Variants in LOC400499 observed in about 807,000 individuals in gnomAD.
the LOC400499 span, among the ~76,000 whole-genome samples, chr16:11,522,756 G>C: frequency 6.6e-6 from 1 of 152,218 alleles, no homozygotes; most frequent in African/African-American, 2.4e-5. Flanking sequence ...TGGATATCAA[G>C]TGGGGCTGGC....
chr16:11,432,557 G>A, the LOC400499 span, among the ~76,000 whole-genome samples: 1 of 152,082 alleles, frequency 6.6e-6, no homozygotes, highest in African/African-American at 2.4e-5. Flanking sequence ...TGGAATATAA[G>A]GTTCCTACTC....
the LOC400499 span, among the ~76,000 whole-genome samples, chr16:11,486,217 G>A: frequency 6.8e-6 from 1 of 146,654 alleles, no homozygotes. Flanking sequence ...ATGGATGATG[G>A]GTGGGTGGGT....
At chr16:11,407,261 C>T in the LOC400499 span, 16 of 398,586 alleles carry the variant, frequency 4.0e-5, no homozygotes, top group Admixed American at 1.3e-4. Context: ...AGCTACCTGC[C>T]GGGTGCTGAT....
chr16:11,525,120 T>C, the LOC400499 span, among the ~76,000 whole-genome samples: 2 of 151,678 alleles, frequency 1.3e-5, no homozygotes, highest in Admixed American at 6.6e-5. Flanking sequence ...CCCCTCTCTA[T>C]AAAAAATACA....
chr16:11,421,449 C>T, the LOC400499 span, among the ~76,000 whole-genome samples: 3 of 151,920 alleles, frequency 2.0e-5, no homozygotes, highest in Non-Finnish European at 2.9e-5. Context: ...CCACCCAGTC[C>T]GGAGTGCAGT....
the LOC400499 span, among the ~76,000 whole-genome samples, chr16:11,441,506 G>C: frequency 6.6e-6 from 1 of 152,220 alleles, no homozygotes; most frequent in Non-Finnish European, 1.5e-5. Flanking sequence ...TCATAGTGGA[G>C]CTGGCAGAAG....
At chr16:11,463,314 GACTC>G in the LOC400499 span, among the ~76,000 whole-genome samples, 6 of 130,906 alleles carry the variant, frequency 4.6e-5, no homozygotes, top group East Asian at 2.1e-4. Context: ...GCCAAAACAA[GACTC>G]ACTATTACCA....
chr16:11,381,832 T>TTTTC, the LOC400499 span, among the ~76,000 whole-genome samples: 1 of 152,202 alleles, frequency 6.6e-6, no homozygotes, highest in Admixed American at 6.5e-5. Context: ...TTTTAGGACC[T>TTTTC]TTTCTTTGTT....
chr16:11,479,786 C>T, the LOC400499 span, among the ~76,000 whole-genome samples: 5 of 152,254 alleles, frequency 3.3e-5, no homozygotes, highest in African/African-American at 9.6e-5. Context: ...AACTAAACTC[C>T]AGAGGTCATT....
chr16:11,512,523 A>G, the LOC400499 span, among the ~76,000 whole-genome samples: 1 of 151,358 alleles, frequency 6.6e-6, no homozygotes, highest in Non-Finnish European at 1.5e-5. Flanking sequence ...CACTGCGTGA[A>G]CCTGGGAGAG....
chr16:11,469,773 A>G, the LOC400499 span: 1 of 397,804 alleles, frequency 2.5e-6, no homozygotes, highest in East Asian at 3.6e-5. Flanking sequence ...CAGGCTTGAA[A>G]ACTGCCTGCA....
chr16:11,498,326 C>G, the LOC400499 span, among the ~76,000 whole-genome samples: 1 of 151,874 alleles, frequency 6.6e-6, no homozygotes, highest in African/African-American at 2.4e-5. Flanking sequence ...ACTAAAAATA[C>G]AAAAAAATTA....
the LOC400499 span, among the ~76,000 whole-genome samples, chr16:11,505,489 TGTCACCCAGGCTGGAGTGCA>T: frequency 7.3e-6 from 1 of 136,442 alleles, no homozygotes; most frequent in Admixed American, 7.9e-5. Context: ...AGTCTCACTC[TGTCACCCAGGCTGGAGTGCA>T]GTGGTTTGAT....
At chr16:11,391,258 C>A in the LOC400499 span, among the ~76,000 whole-genome samples, 46,770 of 151,972 alleles carry the variant, frequency 0.31, 7,324 homozygotes, top group African/African-American at 0.34. Flanking sequence ...CCAGTCCTGC[C>A]ACGAGGCTGG....
the LOC400499 span, among the ~76,000 whole-genome samples, chr16:11,489,546 A>T: frequency 0.5 from 76,376 of 151,940 alleles, 20,357 homozygotes; most frequent in African/African-American, 0.67. Context: ...CCCTCCCCCC[A>T]TTGTCTCAGG....
At chr16:11,434,387 G>A in the LOC400499 span, among the ~76,000 whole-genome samples, 18 of 152,084 alleles carry the variant, frequency 1.2e-4, no homozygotes, top group African/African-American at 3.9e-4. Flanking sequence ...ATCCAGGTGC[G>A]GTGGTGAGCC....
chr16:11,499,145 GGGGGGAAGGGAGGCAGAGGGGA>G, the LOC400499 span, among the ~76,000 whole-genome samples: 2 of 1,240 alleles, frequency 1.6e-3, no homozygotes, highest in African/African-American at 6.1e-3. Context: ...GCAGAGGGGA[GGGGGGAAGGGAGGCAGAGGGGA>G]GGGGGGAGGG....
the LOC400499 span, chr16:11,460,022 G>C: frequency 6.8e-7 from 1 of 1,481,120 alleles, no homozygotes; most frequent in Non-Finnish European, 9.0e-7. Context: ...GTGAGTGCAG[G>C]TGGCCCGAGT....
At chr16:11,517,539 G>A in the LOC400499 span, among the ~76,000 whole-genome samples, 2 of 152,166 alleles carry the variant, frequency 1.3e-5, no homozygotes, top group African/African-American at 4.8e-5. Context: ...GCTCCAGCTG[G>A]GATTTGAACC....
Sources: gnomAD v4.1 joint callset for allele counts (sites outside exome capture counted in the v4.1 genomes callset) on GRCh38, gnomAD v4.1.1 for gene constraint, MANE v1.5 for transcripts.